DAAM1: variants seen among roughly 807,000 people sequenced by gnomAD.
DAAM1 encodes disheveled-associated activator of morphogenesis 1.
In DAAM1, 52 loss-of-function variants were observed where a neutral mutation model predicts 130.0. The ratio of observed to expected loss-of-function variants is 0.40; its 90% CI spans 0.32 to 0.50. DAAM1 has a LOEUF of 0.50. Ranked by LOEUF, DAAM1 falls within the 20% of genes least tolerant of loss-of-function variation. The pLI is 0.61. For synonymous variants in DAAM1, 452 were observed against 444.5 expected, an observed-to-expected ratio of 1.02 and a Z score of -0.21; for missense variants, 1,134 against 1,303.8, an observed-to-expected ratio of 0.87 and a Z score of 2.01.
chr14:59,307,822 C>T (rs1002431114), intron 3 of DAAM1, among the ~76,000 whole-genome samples: 5 of 152,082 alleles, frequency 3.3e-5, no homozygotes, highest in Non-Finnish European at 5.9e-5. Context: ...ACTTAAATGT[C>T]CCCCCAAATT....
At chr14:59,263,833 G>T in intron 2 of DAAM1, 173 bp downstream of exon 2, 1 of 775,986 alleles carries the variant, frequency 1.3e-6, no homozygotes, top group Non-Finnish European at 2.1e-6. Context: ...GGAGAAGGAA[G>T]AGTTAGAAGA....
rs893451646 is a variant in DAAM1, at chr14:59,279,154, G to A, written c.184-12063G>A. Among the ~76,000 whole-genome samples, 10 of 151,970 alleles carry A rather than the reference G, an allele frequency of 6.6e-5. No individual in the cohort carries two copies. In the South Asian group the frequency reaches 1.0e-3, roughly 16 times the overall value. ...ATGTTTATAGTTGTTAACCATCACC[G>A]CCATAGTTTATAACACTTCCAGCAT... is the stretch of plus-strand genomic sequence containing the variant. On this transcript the variant is annotated intron_variant, in intron 2 of 24. Coordinates refer to ENST00000360909, the MANE Select transcript of DAAM1 (RefSeq NM_001270520.2).
intron 17 of DAAM1, among the ~76,000 whole-genome samples, chr14:59,348,467 T>C (rs1886165376): frequency 1.3e-5 from 2 of 152,186 alleles, no homozygotes; most frequent in Non-Finnish European, 2.9e-5. Flanking sequence ...CTGTGCTCTG[T>C]GGTGATAGTC....
intron 15 of DAAM1, among the ~76,000 whole-genome samples, chr14:59,337,476 A>C (rs1408571307): frequency 6.6e-6 from 1 of 152,234 alleles, no homozygotes; most frequent in Non-Finnish European, 1.5e-5. Flanking sequence ...GACCTTAAGG[A>C]ATCTGCTGAG....
chr14:59,227,415 C>T (rs772607426), intron 1 of DAAM1, among the ~76,000 whole-genome samples: 5 of 152,218 alleles, frequency 3.3e-5, no homozygotes, highest in Admixed American at 1.3e-4. Flanking sequence ...CTGAGACGGC[C>T]ATGAGATTGT....
At chr14:59,290,122 C>A (rs1171992288) in intron 2 of DAAM1, among the ~76,000 whole-genome samples, 1 of 151,808 alleles carries the variant, frequency 6.6e-6, no homozygotes, top group East Asian at 1.9e-4. Flanking sequence ...TACCCCTGAA[C>A]ATAAAGTAAA....
chr14:59,254,000 C>A (rs1010774903), intron 1 of DAAM1, among the ~76,000 whole-genome samples: 1 of 152,156 alleles, frequency 6.6e-6, no homozygotes, highest in African/African-American at 2.4e-5. Flanking sequence ...TAATATATTT[C>A]TTTTTTAAAC....
At chr14:59,275,589 A>T (rs1413958975) in intron 2 of DAAM1, among the ~76,000 whole-genome samples, 7 of 152,340 alleles carry the variant, frequency 4.6e-5, no homozygotes. Flanking sequence ...GGTGATGCAG[A>T]CTATTAAAAC....
Position 59,331,241 on chromosome 14 carries a change from C to G in DAAM1, c.1593C>G (p.Pro531=). The G allele has an allele frequency of 1.2e-6, 2 of 1,613,008 alleles. No homozygotes were observed. Among genetic ancestry groups the G allele is most frequent in the Non-Finnish European group, 1.7e-6 (2 of 1,179,976 alleles). The change falls in exon 14 of 25, where the codon CCC becomes CCG. Residue 531 remains proline, a synonymous_variant. Transcript: ENST00000360909. ...RAVCASIPGG[P]SPGAPGGPFP... is the part of the protein sequence containing the mutation. ...TCTGTGCTTCAATCCCAGGTGGACC[C>G]TCGCCTGGAGCACCAGGAGGGCCCT...
At chr14:59,228,614 G>A (rs1889013444) in intron 1 of DAAM1, among the ~76,000 whole-genome samples, 1 of 152,118 alleles carries the variant, frequency 6.6e-6, no homozygotes, top group African/African-American at 2.4e-5. Context: ...ATATATTTGG[G>A]TTTCATCACT....
chr14:59,229,576 G>A (rs1889042593), intron 1 of DAAM1, among the ~76,000 whole-genome samples: 3 of 152,192 alleles, frequency 2.0e-5, no homozygotes, highest in South Asian at 2.1e-4. Flanking sequence ...GGCCCTTTGT[G>A]TATTTATTCT....
intron 1 of DAAM1, among the ~76,000 whole-genome samples, chr14:59,196,619 T>G (rs1887902956): frequency 6.6e-6 from 1 of 151,970 alleles, no homozygotes; most frequent in Non-Finnish European, 1.5e-5. Flanking sequence ...GGCGGGCGCC[T>G]GTAGTCCCAG....
intron 4 of DAAM1, among the ~76,000 whole-genome samples, chr14:59,318,831 A>G (rs1315799390): frequency 1.3e-5 from 2 of 152,178 alleles, no homozygotes; most frequent in Non-Finnish European, 2.9e-5. Context: ...TCTAGTATGG[A>G]GAAACTTAAT....
rs1260998734 is a variant in DAAM1, at chr14:59,371,253, A to G, written c.*2394A>G. ...TTGTAAACTTAATTATATGTCTTAT[A>G]TCTTATTAGCTTAGTAGTTGGAACC... On this transcript the variant is annotated 3_prime_UTR_variant, in exon 25 of 25. Coordinates refer to ENST00000360909, the MANE Select transcript of DAAM1 (RefSeq NM_001270520.2). 2 of 152,092 alleles carry G rather than the reference A, an allele frequency of 1.3e-5. No individual in the cohort carries two copies. The highest frequency in any genetic ancestry group is 1.9e-4 in the East Asian group (1 of 5,190). 9.4% of individuals were successfully genotyped at this position (152,092 alleles called of 1,614,324 possible).
chr14:59,225,217 G>A (rs770420227), intron 1 of DAAM1, among the ~76,000 whole-genome samples: 11 of 151,762 alleles, frequency 7.2e-5, no homozygotes, highest in Admixed American at 3.3e-4. Context: ...TAGTGGAGAC[G>A]GGGTTTCACC....
At chr14:59,240,924 C>A (rs1034343600) in intron 1 of DAAM1, among the ~76,000 whole-genome samples, 7 of 152,252 alleles carry the variant, frequency 4.6e-5, no homozygotes, top group Admixed American at 4.6e-4. Flanking sequence ...CATAGGTATG[C>A]GAAGTAGGCA....
intron 1 of DAAM1, among the ~76,000 whole-genome samples, chr14:59,224,923 A>G (rs1888889145): frequency 6.6e-6 from 1 of 151,930 alleles, no homozygotes; most frequent in Non-Finnish European, 1.5e-5. Flanking sequence ...TGAACCAGAA[A>G]GCAGCCCCAT....
intron 1 of DAAM1, among the ~76,000 whole-genome samples, chr14:59,261,014 A>G (rs1376888561): frequency 1.3e-5 from 2 of 152,204 alleles, no homozygotes; most frequent in African/African-American, 2.4e-5. Flanking sequence ...CTGAAAGCCA[A>G]TTTAGAATGG....
At chr14:59,360,941 G>T in intron 22 of DAAM1, 79 bp downstream of exon 22, 2 of 1,270,234 alleles carry the variant, frequency 1.6e-6, no homozygotes, top group East Asian at 2.4e-5. Context: ...CAGATGGGTT[G>T]TGTTGGCATG....
Sources: gnomAD v4.1 joint callset for allele counts (sites outside exome capture counted in the v4.1 genomes callset) on GRCh38, gnomAD v4.1.1 for gene constraint, MANE v1.5 for transcripts, NCBI Gene and HGNC (gene_info 2026-07-23, HGNC 2026-07-21) for gene names.